The following IMMP1L variants were observed in gnomAD, a reference collection of about 807,000 sequenced individuals.
The protein encoded by IMMP1L is inner mitochondrial membrane peptidase subunit 1.
Under a neutral mutation model 21.8 loss-of-function variants are expected in IMMP1L, and 24 were observed. The observed-to-expected ratio is 1.10, with a 90% CI of 0.80 to 1.55. The LOEUF (loss-of-function observed/expected upper bound fraction) is 1.55. Ranked by LOEUF, IMMP1L falls within the 40% of genes most tolerant of loss-of-function variation. The probability of loss-of-function intolerance (pLI) is 0.00; values close to 1 mark genes in which losing one functional copy is unlikely to be tolerated. For missense variants in IMMP1L, 195 were observed against 200.7 expected, an observed-to-expected ratio of 0.97 and a Z score of 0.17; for synonymous variants, 46 against 62.8, an observed-to-expected ratio of 0.73 and a Z score of 1.26.
At chr11:31,468,931 G>A (rs1954454340) in intron 1 of IMMP1L, among the ~76,000 whole-genome samples, 1 of 152,056 alleles carries the variant, frequency 6.6e-6, no homozygotes, top group South Asian at 2.1e-4. Flanking sequence ...TACTAGTAAT[G>A]CATAAGGTTT....
At chr11:31,453,213 A>T (rs764641772) in intron 4 of IMMP1L, 23 of 655,250 alleles carry the variant, frequency 3.5e-5, no homozygotes, top group Non-Finnish European at 4.7e-5. Context: ...ATCCCACATC[A>T]CTACATCACT....
intron 4 of IMMP1L, among the ~76,000 whole-genome samples, chr11:31,442,703 GAAAC>G (rs780878507): frequency 2.0e-4 from 31 of 152,130 alleles, no homozygotes; most frequent in Non-Finnish European, 4.1e-4. Context: ...AGTCATGAAA[GAAAC>G]AAACAAAATT....
chr11:31,485,386 T>C (rs1386995072), intron 1 of IMMP1L, among the ~76,000 whole-genome samples: 2 of 151,864 alleles, frequency 1.3e-5, no homozygotes, highest in Non-Finnish European at 2.9e-5. Flanking sequence ...CTGGAAAACA[T>C]GTAAATGATC....
At chr11:31,481,790 TG>T (rs1954898870) in intron 1 of IMMP1L, among the ~76,000 whole-genome samples, 1 of 151,948 alleles carries the variant, frequency 6.6e-6, no homozygotes, top group Non-Finnish European at 1.5e-5. Flanking sequence ...TATTTTGATT[TG>T]GTGACAAAAG....
At chr11:31,495,903 C>T (rs1955416010) in intron 1 of IMMP1L, among the ~76,000 whole-genome samples, 1 of 152,116 alleles carries the variant, frequency 6.6e-6, no homozygotes, top group African/African-American at 2.4e-5. Context: ...AGAGCTAAAA[C>T]TACACAACTC....
At chr11:31,496,916 T>C (rs1247916610) in intron 1 of IMMP1L, among the ~76,000 whole-genome samples, 8 of 148,110 alleles carry the variant, frequency 5.4e-5, no homozygotes, top group South Asian at 2.1e-4. Context: ...TAATACAATC[T>C]TATATATTAT....
chr11:31,457,114 C>T (rs1036668284), intron 3 of IMMP1L, among the ~76,000 whole-genome samples: 9 of 151,702 alleles, frequency 5.9e-5, no homozygotes, highest in Admixed American at 5.9e-4. Flanking sequence ...GGAATGATAG[C>T]ATGTAAGTCC....
intron 1 of IMMP1L, among the ~76,000 whole-genome samples, chr11:31,485,629 T>C (rs1592020722): frequency 6.6e-6 from 1 of 152,014 alleles, no homozygotes; most frequent in African/African-American, 2.4e-5. Flanking sequence ...TAATACATAA[T>C]GTTAGGCAAA....
intron 1 of IMMP1L, among the ~76,000 whole-genome samples, chr11:31,484,093 A>G (rs952290243): frequency 6.6e-6 from 1 of 151,930 alleles, no homozygotes. Context: ...TAGAATAAAA[A>G]TAGCTAATTT....
Position 31,432,824 on chromosome 11 carries a change from T to C in IMMP1L, c.433-256A>G, listed in dbSNP as rs1591928368. On this transcript the variant is annotated intron_variant, in intron 5 of 5. Transcript: ENST00000532287. ...TATGTGTGTGGTGTGTGAATAAATATGTATGAATATATGGTCTGTGTTTTC... is the reference window on the plus strand; with the variant it reads ...TATGTGTGTGGTGTGTGAATAAATACGTATGAATATATGGTCTGTGTTTTC... Among the ~76,000 whole-genome samples, 7 of 152,338 alleles carry C rather than the reference T, an allele frequency of 4.6e-5. 1 individual carries two copies. Among genetic ancestry groups the C allele is most frequent in the Admixed American group, 4.6e-4 (7 of 15,310 alleles).
chr11:31,505,216 T>C (rs930834511), intron 1 of IMMP1L, among the ~76,000 whole-genome samples: 1 of 152,178 alleles, frequency 6.6e-6, no homozygotes, highest in African/African-American at 2.4e-5. Context: ...TATCTCAAAG[T>C]GGTTTCCTGC....
chr11:31,476,261 C>G (rs1379964443), intron 1 of IMMP1L, among the ~76,000 whole-genome samples: 1 of 151,936 alleles, frequency 6.6e-6, no homozygotes, highest in Non-Finnish European at 1.5e-5. Context: ...ATAAAAGTAA[C>G]ACAATGCAGT....
At chr11:31,495,025 A>G (rs1008029075) in intron 1 of IMMP1L, among the ~76,000 whole-genome samples, 3 of 152,150 alleles carry the variant, frequency 2.0e-5, no homozygotes, top group African/African-American at 7.2e-5. Context: ...ACCCTAAATC[A>G]TTTCTTTCAA....
intron 1 of IMMP1L, among the ~76,000 whole-genome samples, chr11:31,472,874 AT>A (rs200515495): frequency 2.7e-5 from 4 of 150,544 alleles, no homozygotes; most frequent in African/African-American, 2.4e-5. Flanking sequence ...TTATTTATTT[AT>A]TTTTTTTTGA....
At chr11:31,498,617 A>G (rs1955523994) in intron 1 of IMMP1L, among the ~76,000 whole-genome samples, 1 of 152,216 alleles carries the variant, frequency 6.6e-6, no homozygotes, top group Non-Finnish European at 1.5e-5. Flanking sequence ...AACTGGCTAC[A>G]TAAAAAGCTA....
intron 4 of IMMP1L, among the ~76,000 whole-genome samples, chr11:31,444,723 G>A (rs1299636392): frequency 6.6e-6 from 1 of 151,834 alleles, no homozygotes; most frequent in Non-Finnish European, 1.5e-5. Flanking sequence ...AAGAGTAGCT[G>A]GGATTACAGG....
chr11:31,486,733 A>T (rs1435424845), intron 1 of IMMP1L, among the ~76,000 whole-genome samples: 1 of 151,924 alleles, frequency 6.6e-6, no homozygotes, highest in African/African-American at 2.4e-5. Context: ...GGGATAATAC[A>T]TAATAACAAA....
intron 1 of IMMP1L, among the ~76,000 whole-genome samples, chr11:31,507,192 T>C (rs909079465): frequency 1.3e-5 from 2 of 150,152 alleles, no homozygotes; most frequent in Non-Finnish European, 3.0e-5. Context: ...GGCAGGAGAA[T>C]GGTGTGAACC....
rs529158436 is a variant in IMMP1L at position 31,457,256 on chromosome 11, G to C, written c.195-870C>G. ...ATATCAAACATATAAAACCAATAAG[G>C]GTCTGATTACATACAGAAGTCATGA... On this transcript the variant is annotated intron_variant, in intron 3 of 5. Transcript: ENST00000532287. 8.6e-5 allele frequency among the ~76,000 whole-genome samples: 13 copies of C among 151,918 alleles called. No homozygotes were observed. The South Asian group carries it at 2.5e-3, about 29-fold the overall frequency.
Sources: allele counts gnomAD v4.1 joint callset (sites outside exome capture counted in the v4.1 genomes callset), GRCh38; gene constraint gnomAD v4.1.1; transcripts MANE v1.5; gene names NCBI Gene and HGNC (gene_info 2026-07-23, HGNC 2026-07-21).